Variants in AKT3 observed in about 807,000 individuals in gnomAD.
The protein encoded by AKT3 is RAC-gamma serine/threonine-protein kinase.
A neutral mutation model predicts 65.3 loss-of-function variants in AKT3; 15 were observed. That is an observed-to-expected ratio of 0.23 (90% CI 0.15 to 0.35). The LOEUF (loss-of-function observed/expected upper bound fraction) is 0.35, where lower values mean the gene tolerates loss of function less well. AKT3 is among the 10% of genes least tolerant of loss of function. The pLI, the probability that AKT3 is intolerant of heterozygous loss-of-function variation, is 1.00. For missense variants in AKT3, 243 were observed against 576.5 expected (o/e 0.42, Z 5.92); for synonymous variants, 206 against 183.8 (o/e 1.12, Z -0.98).
At chr1:243,582,396 A>G (rs1381708965) in intron 8 of AKT3, among the ~76,000 whole-genome samples, 1 of 150,020 alleles carries the variant, frequency 6.7e-6, no homozygotes, top group African/African-American at 2.4e-5. Flanking sequence ...TCAACTTCTC[A>G]GCAGAAACCT....
At position 243,843,301 on chromosome 1, in the gene AKT3, G is replaced by A. The variant is rs769979879; in HGVS notation, c.-112-19C>T. 7.2e-7 allele frequency: 1 copy of A among 1,394,714 alleles called. No homozygotes were observed. The highest frequency in any genetic ancestry group is 9.4e-7 in the Non-Finnish European group (1 of 1,067,222). 86.4% of individuals were successfully genotyped at this position (1,394,714 alleles called of 1,614,324 possible). The stretch of plus-strand genomic sequence containing the variant: ...ACTCAGCCTGGAAGGAAGTATTGAA[G>A]AAAGAATTTTTTTTCCATTCTTGCA... On this transcript the variant is annotated intron_variant, in intron 1 of 13. Coordinates refer to ENST00000673466, the MANE Select transcript of AKT3 (RefSeq NM_005465.7).
chr1:243,799,857 C>A (rs1396407301), intron 2 of AKT3, among the ~76,000 whole-genome samples: 2 of 152,158 alleles, frequency 1.3e-5, no homozygotes, highest in Admixed American at 1.3e-4. Flanking sequence ...CAAAGGAAAA[C>A]TATCTAGCAC....
intron 4 of AKT3, 74 bp from the exon 5 acceptor site, chr1:243,646,111 G>A: frequency 6.3e-6 from 8 of 1,262,528 alleles, no homozygotes; most frequent in Non-Finnish European, 8.7e-6. Flanking sequence ...TATAAACTAT[G>A]AAATCAATAC....
chr1:243,677,124 T>G (rs1683577115), intron 3 of AKT3, among the ~76,000 whole-genome samples: 1 of 152,196 alleles, frequency 6.6e-6, no homozygotes, highest in Non-Finnish European at 1.5e-5. Flanking sequence ...CTCTTCACTG[T>G]CCCCTAAAAA....
intron 2 of AKT3, among the ~76,000 whole-genome samples, chr1:243,819,234 C>T (rs983932490): frequency 1.3e-5 from 2 of 152,236 alleles, no homozygotes; most frequent in Non-Finnish European, 2.9e-5. Context: ...CAGCTGCCTG[C>T]TGCCTAAGAT....
chr1:243,694,193 T>C (rs992624727), intron 3 of AKT3, among the ~76,000 whole-genome samples: 1 of 152,132 alleles, frequency 6.6e-6, no homozygotes, highest in Admixed American at 6.6e-5. Context: ...GCTGGTAAAA[T>C]GGATAAACTA....
intron 2 of AKT3, among the ~76,000 whole-genome samples, chr1:243,807,697 GCA>G (rs2148386884): frequency 1.3e-5 from 2 of 152,320 alleles, no homozygotes; most frequent in East Asian, 3.9e-4. Flanking sequence ...GGTTCTCCCA[GCA>G]CAGAGCTTGA....
At chr1:243,576,371 GGAAAT>G (rs1558626981) in intron 8 of AKT3, among the ~76,000 whole-genome samples, 1 of 152,110 alleles carries the variant, frequency 6.6e-6, no homozygotes. Flanking sequence ...ACATAGTATT[GGAAAT>G]GCTGGCCAGG....
chr1:243,715,811 A>C (rs1686479249), intron 2 of AKT3, among the ~76,000 whole-genome samples: 1 of 152,142 alleles, frequency 6.6e-6, no homozygotes, highest in Non-Finnish European at 1.5e-5. Flanking sequence ...GGAGAAAAAA[A>C]AATTGTTTCC....
chr1:243,619,767 T>C (rs1247748885), intron 6 of AKT3, among the ~76,000 whole-genome samples: 3 of 99,020 alleles, frequency 3.0e-5, no homozygotes, highest in African/African-American at 7.8e-5. Flanking sequence ...GTTGATTACA[T>C]ATTTTGGCTG....
chr1:243,736,283 T>C (rs1245110825), intron 2 of AKT3, among the ~76,000 whole-genome samples: 1 of 152,206 alleles, frequency 6.6e-6, no homozygotes, highest in Non-Finnish European at 1.5e-5. Flanking sequence ...CCAATTAGCA[T>C]AGTGCCTGGC....
At chr1:243,530,522 C>T (rs1671452707) in intron 12 of AKT3, among the ~76,000 whole-genome samples, 1 of 152,048 alleles carries the variant, frequency 6.6e-6, no homozygotes, top group Admixed American at 6.5e-5. Flanking sequence ...ACAGCTAAGG[C>T]AGTGTTAAGA....
chr1:243,709,153 A>AT (rs1685991438), intron 2 of AKT3, among the ~76,000 whole-genome samples: 1 of 151,664 alleles, frequency 6.6e-6, no homozygotes, highest in Non-Finnish European at 1.5e-5. Flanking sequence ...GGTATGATAG[A>AT]CCTTTACTTT....
At chr1:243,630,664 T>G (rs527865512) in intron 6 of AKT3, among the ~76,000 whole-genome samples, 4 of 152,052 alleles carry the variant, frequency 2.6e-5, no homozygotes, top group Non-Finnish European at 4.4e-5. Flanking sequence ...CATTCTTGCT[T>G]TTTTTTAAAA....
At chr1:243,685,992 ACTC>A (rs1684263875) in intron 3 of AKT3, among the ~76,000 whole-genome samples, 1 of 152,132 alleles carries the variant, frequency 6.6e-6, no homozygotes, top group Admixed American at 6.5e-5. Flanking sequence ...TCATGAGTGA[ACTC>A]CTATTCACAA....
intron 2 of AKT3, among the ~76,000 whole-genome samples, chr1:243,841,587 C>T (rs1695244683): frequency 1.3e-5 from 2 of 152,084 alleles, no homozygotes; most frequent in Non-Finnish European, 1.5e-5. Flanking sequence ...TCAGGCACAT[C>T]GGAAAACAGC....
At chr1:243,645,854 A>C in intron 5 of AKT3, 39 bp downstream of exon 5, 1 of 1,532,718 alleles carries the variant, frequency 6.5e-7, no homozygotes, top group Non-Finnish European at 8.8e-7. Context: ...TCTTCCAGAC[A>C]AATGAATGCT....
intron 12 of AKT3, among the ~76,000 whole-genome samples, chr1:243,530,151 C>A (rs1671429649): frequency 6.6e-6 from 1 of 152,016 alleles, no homozygotes; most frequent in Non-Finnish European, 1.5e-5. Flanking sequence ...GATTTTGTAT[C>A]CTGAGATATT....
chr1:243,603,595 AT>A (rs1261921953), intron 8 of AKT3, among the ~76,000 whole-genome samples: 1 of 152,000 alleles, frequency 6.6e-6, no homozygotes, highest in Non-Finnish European at 1.5e-5. Context: ...CACATTGGAT[AT>A]TTCCTCACTT....
Sources: gnomAD v4.1 joint callset for allele counts (sites outside exome capture counted in the v4.1 genomes callset) on GRCh38, gnomAD v4.1.1 for gene constraint, MANE v1.5 for transcripts, NCBI Gene and HGNC (gene_info 2026-07-23, HGNC 2026-07-21) for gene names.